AGL: variants seen among roughly 807,000 people sequenced by gnomAD.
AGL encodes glycogen debranching enzyme.
In AGL, 128 loss-of-function variants were observed where a neutral mutation model predicts 199.3. That is an observed-to-expected ratio of 0.64 (90% confidence interval 0.56 to 0.74). The LOEUF (loss-of-function observed/expected upper bound fraction) is 0.74, where lower values mean the gene tolerates loss of function less well. Among genes scored for constraint, AGL ranks in the 30% least tolerant of loss-of-function variants. The pLI is 0.00. For synonymous variants in AGL, 584 were observed against 594.7 expected (o/e 0.98, Z 0.26); for missense variants, 1,809 against 1,820.8 (o/e 0.99, Z 0.12).
At chr1:99,918,322 T>C (rs1655279970) in intron 33 of AGL, among the ~76,000 whole-genome samples, 2 of 152,232 alleles carry the variant, frequency 1.3e-5, no homozygotes, top group East Asian at 3.8e-4. Context: ...TTATCTGGGC[T>C]GTTTTTATAT....
At chr1:99,899,975 A>C (rs2100815822) in intron 25 of AGL, among the ~76,000 whole-genome samples, 2 of 148,578 alleles carry the variant, frequency 1.3e-5, no homozygotes, top group East Asian at 4.0e-4. Context: ...TGTTGCCCAG[A>C]CTGGAGTACA....
rs753301286 is a variant in AGL at position 99,870,455 on chromosome 1, T to C, written c.720T>C (p.Asn240=). 6.2e-7 allele frequency: 1 copy of C among 1,614,064 alleles called. No individual in the cohort carries two copies. The highest frequency in any genetic ancestry group is 1.1e-5 in the South Asian group (1 of 91,078). ...CAGAATGTGCCTATAATCTTGTGAATTCTCCACACTTAAAACCTGCCTGGG... is the reference window on the plus strand; with the variant it reads ...CAGAATGTGCCTATAATCTTGTGAACTCTCCACACTTAAAACCTGCCTGGG... ...EHPECAYNLV[N]SPHLKPAWVL... The change falls in exon 6 of 34, where the codon AAT becomes AAC. Residue 240 remains asparagine, a synonymous_variant. Transcript: ENST00000361915.
At chr1:99,882,607 T>C (rs1362453514) in intron 17 of AGL, among the ~76,000 whole-genome samples, 2 of 152,212 alleles carry the variant, frequency 1.3e-5, no homozygotes, top group African/African-American at 4.8e-5. Flanking sequence ...GTAGCAATTA[T>C]AGTCTCTATG....
intron 27 of AGL, among the ~76,000 whole-genome samples, chr1:99,907,149 A>G (rs1203755169): frequency 3.9e-5 from 6 of 152,152 alleles, no homozygotes; most frequent in Admixed American, 3.3e-4. Context: ...TTTGCCAATT[A>G]TGGGTCTTCT....
chr1:99,861,451 T>G, intron 2 of AGL, 52 bp from the exon 3 acceptor site: 1 of 1,611,442 alleles, frequency 6.2e-7, no homozygotes, highest in East Asian at 2.2e-5. Flanking sequence ...TGTTTTTCAA[T>G]GTGGTAATTT....
rs1652983983 is a variant in AGL at position 99,892,552 on chromosome 1, T to C, written c.3204T>C (p.Tyr1068=). The C allele has an allele frequency of 6.2e-7, 1 of 1,613,648 alleles. No individual in the cohort carries two copies. Among genetic ancestry groups the C allele is most frequent in the African/African-American group, 1.3e-5 (1 of 75,034 alleles). Residue 1068 remains tyrosine (Y), a synonymous_variant, in exon 24 of 34, where the codon TAT becomes TAC. Transcript: ENST00000361915. ...ILSPALMDVP[Y]RLNEITKEKE... Reference sequence around the variant, plus strand: ...CACCTGCCCTAATGGATGTACCTTATAGGTTAAATGAGATCACAAAAGAAA... The same window carrying C: ...CACCTGCCCTAATGGATGTACCTTACAGGTTAAATGAGATCACAAAAGAAA...
upstream of AGL, chr1:99,849,996 C>G (rs1026914655): frequency 2.0e-5 from 3 of 152,478 alleles, no homozygotes; most frequent in East Asian, 5.8e-4. Context: ...CCGCAGCAGG[C>G]TCCAGGTCCC....
At position 99,910,770 on chromosome 1, in the gene AGL, T is replaced by C. The variant is rs749276114; in HGVS notation, c.3759T>C (p.Arg1253=). Reference sequence around the variant, plus strand: ...CAGGATTTGTTTATGGAGGAAATCGTTTCAATTGTGGCACATGGATGGATA... The same window carrying C: ...CAGGATTTGTTTATGGAGGAAATCGCTTCAATTGTGGCACATGGATGGATA... ...EETGFVYGGN[R]FNCGTWMDKM... The change falls in exon 28 of 34, where the codon CGT becomes CGC. Residue 1253 remains arginine, a synonymous_variant. Transcript: ENST00000361915. 1.9e-6 allele frequency: 3 copies of C among 1,612,894 alleles called. No individual in the cohort carries two copies. The South Asian group carries it at 3.3e-5, about 18-fold the overall frequency.
Position 99,888,109 on chromosome 1 carries a change from G to A in AGL, c.2812+1G>A. 6.2e-7 allele frequency: 1 copy of A among 1,612,880 alleles called. No homozygotes were observed. Among genetic ancestry groups the A allele is most frequent in the South Asian group, 1.1e-5 (1 of 91,046 alleles). On this transcript the variant is annotated splice_donor_variant, in intron 21 of 33. Coordinates refer to ENST00000361915, the MANE Select transcript of AGL (RefSeq NM_000642.3). LOFTEE classifies it high-confidence loss of function. ...GCCCTTAAATATGCAGGTCTTCAAG[G>A]TAAGCAAATGGAAGGATAGCTGAGC... is the stretch of plus-strand genomic sequence containing the variant.
intron 7 of AGL, among the ~76,000 whole-genome samples, chr1:99,871,414 C>G (rs1197132649): frequency 9.1e-5 from 1 of 10,980 alleles, no homozygotes; most frequent in Non-Finnish European, 1.6e-4. Flanking sequence ...TAATGTGCCC[C>G]CCCCCCCCCA....
At chr1:99,859,407 T>A (rs1649840020) in intron 2 of AGL, among the ~76,000 whole-genome samples, 1 of 61,564 alleles carries the variant, frequency 1.6e-5, no homozygotes, top group Admixed American at 1.4e-4. Context: ...ACCTGCCTTT[T>A]TCCCGTTTGT....
chr1:99,898,117 G>A (rs1441348046), intron 25 of AGL, among the ~76,000 whole-genome samples: 3 of 149,184 alleles, frequency 2.0e-5, no homozygotes, highest in East Asian at 2.0e-4. Context: ...CGCAATCTCC[G>A]CTCACTGCAA....
At position 99,861,659 on chromosome 1, in the gene AGL, A is replaced by G. The variant is rs1284127927; in HGVS notation, c.239A>G (p.Tyr80Cys). ...PTEREDDSDK[Y>C]CKLNLQQSGS... Reference sequence around the variant, plus strand: ...GAAAGAGAAGATGATTCTGATAAATACTGTAAACTTAATCTGCAACAATCT... The same window carrying G: ...GAAAGAGAAGATGATTCTGATAAATGCTGTAAACTTAATCTGCAACAATCT... The change falls in exon 3 of 34, where the codon TAC becomes TGC. Residue 80 changes from tyrosine to cysteine, a missense_variant. By Grantham distance (194) the Tyr-to-Cys change is radical. Coordinates refer to ENST00000361915, the MANE Select transcript of AGL (RefSeq NM_000642.3). The G allele has an allele frequency of 1.9e-6, 3 of 1,613,584 alleles. No homozygotes were observed. The highest frequency in any genetic ancestry group is 4.5e-5 in the East Asian group (2 of 44,824).
chr1:99,865,239 A>G (rs1020459515), intron 5 of AGL, among the ~76,000 whole-genome samples: 1 of 152,102 alleles, frequency 6.6e-6, no homozygotes, highest in Non-Finnish European at 1.5e-5. Flanking sequence ...AGGTACCCCT[A>G]AGGATAAGAG....
At chr1:99,862,171 A>G in intron 3 of AGL, 86 bp from the exon 4 acceptor site, 1 of 1,273,118 alleles carries the variant, frequency 7.9e-7, no homozygotes, top group Non-Finnish European at 1.1e-6. Context: ...GGGACAATTA[A>G]CCTTTTAGTT....
intron 27 of AGL, 62 bp from the exon 28 acceptor site, chr1:99,910,650 T>G (rs1480479032): frequency 6.9e-6 from 6 of 868,460 alleles, no homozygotes; most frequent in Non-Finnish European, 9.3e-6. Flanking sequence ...TGTTTTAAAA[T>G]ATTTGTATAT....
chr1:99,891,079 G>A, intron 21 of AGL, 141 bp from the exon 22 acceptor site: 1 of 978,070 alleles, frequency 1.0e-6, no homozygotes, highest in Admixed American at 1.9e-5. Context: ...CAGTGTTGTG[G>A]ACTGGGTAGC....
intron 2 of AGL, among the ~76,000 whole-genome samples, chr1:99,856,053 G>C (rs1649387817): frequency 2.6e-5 from 4 of 152,156 alleles, no homozygotes. Flanking sequence ...GCTAATGCAA[G>C]TTAAGTATCC....
At chr1:99,861,895 A>G (rs1650069540) in intron 3 of AGL, among the ~76,000 whole-genome samples, 182 bp downstream of exon 3, 1 of 152,178 alleles carries the variant, frequency 6.6e-6, no homozygotes, top group African/African-American at 2.4e-5. Flanking sequence ...GCAGAGCTAA[A>G]GTATCAAGTA....
Sources: allele counts gnomAD v4.1 joint callset (sites outside exome capture counted in the v4.1 genomes callset), GRCh38; gene constraint gnomAD v4.1.1; transcripts MANE v1.5; gene names NCBI Gene and HGNC (gene_info 2026-07-23, HGNC 2026-07-21).